The following LRRIQ3 variants were observed in gnomAD, a reference collection of about 807,000 sequenced individuals.
The protein encoded by LRRIQ3 is leucine rich repeats and IQ motif containing 3, also known as leucine-rich repeat and IQ domain-containing protein 3.
Under a neutral mutation model 59.3 loss-of-function variants are expected in LRRIQ3, and 75 were observed. The observed-to-expected ratio is 1.26, with a 90% CI of 1.05 to 1.53. The LOEUF (loss-of-function observed/expected upper bound fraction) is 1.53, where lower values mean the gene tolerates loss of function less well. Among genes scored for constraint, LRRIQ3 ranks in the 40% most tolerant of loss-of-function variants. The probability of loss-of-function intolerance (pLI) is 0.00; values close to 1 mark genes in which losing one functional copy is unlikely to be tolerated. For synonymous variants in LRRIQ3, 250 were observed against 231.3 expected (o/e 1.08, Z -0.73); for missense variants, 831 against 710.0 (o/e 1.17, Z -1.94).
At chr1:74,112,750 A>G (rs983956674) in intron 4 of LRRIQ3, among the ~76,000 whole-genome samples, 19 of 152,172 alleles carry the variant, frequency 1.2e-4, no homozygotes, top group African/African-American at 3.9e-4. Flanking sequence ...GAGCAATATC[A>G]GAGGCTTGCA....
intron 3 of LRRIQ3, among the ~76,000 whole-genome samples, chr1:74,160,534 T>C (rs376462489): frequency 1.3e-5 from 2 of 152,244 alleles, no homozygotes; most frequent in South Asian, 2.1e-4. Context: ...TCTCCTTTAT[T>C]TGCTTTAATT....
chr1:74,042,915 A>G (rs1654090558), intron 6 of LRRIQ3, among the ~76,000 whole-genome samples: 1 of 152,044 alleles, frequency 6.6e-6, no homozygotes, highest in South Asian at 2.1e-4. Flanking sequence ...GAAACCCCAA[A>G]AGATGGTGGA....
intron 5 of LRRIQ3, among the ~76,000 whole-genome samples, chr1:74,105,443 G>T (rs972108189): frequency 6.6e-5 from 10 of 151,676 alleles, no homozygotes; most frequent in African/African-American, 2.4e-4. Flanking sequence ...GTAGAGATGG[G>T]GGTCTCACAA....
intron 5 of LRRIQ3, among the ~76,000 whole-genome samples, chr1:74,076,145 G>A (rs757746220): frequency 2.6e-5 from 4 of 152,056 alleles, no homozygotes; most frequent in Non-Finnish European, 5.9e-5. Flanking sequence ...AAGTTCAGAA[G>A]CTTAGATGAG....
chr1:74,045,670 T>C (rs1483609796), intron 6 of LRRIQ3, among the ~76,000 whole-genome samples: 3 of 152,166 alleles, frequency 2.0e-5, no homozygotes, highest in African/African-American at 7.2e-5. Flanking sequence ...GAAGTCAAAT[T>C]GTCTCTGTTT....
chr1:74,195,608 T>G (rs1220202250), intron 1 of LRRIQ3, among the ~76,000 whole-genome samples: 1 of 152,146 alleles, frequency 6.6e-6, no homozygotes, highest in African/African-American at 2.4e-5. Context: ...CTCTCTACTC[T>G]CCTCCTGGAA....
intron 6 of LRRIQ3, among the ~76,000 whole-genome samples, chr1:74,065,260 G>T (rs567672355): frequency 6.6e-6 from 1 of 152,196 alleles, no homozygotes; most frequent in African/African-American, 2.4e-5. Flanking sequence ...TGAAGGAAGT[G>T]ACTAATTCTT....
At chr1:74,169,530 G>A (rs1240846985) in intron 3 of LRRIQ3, among the ~76,000 whole-genome samples, 2 of 152,082 alleles carry the variant, frequency 1.3e-5, no homozygotes, top group South Asian at 4.1e-4. Context: ...GCCACCAACA[G>A]TGTACAAAGG....
chr1:74,051,330 G>C (rs1400818328), intron 6 of LRRIQ3, among the ~76,000 whole-genome samples: 4 of 152,052 alleles, frequency 2.6e-5, no homozygotes, highest in African/African-American at 9.7e-5. Flanking sequence ...ATTGCTTTTT[G>C]ATTATCAGTT....
At chr1:74,191,211 T>C (rs1244212696) in intron 1 of LRRIQ3, among the ~76,000 whole-genome samples, 2 of 152,148 alleles carry the variant, frequency 1.3e-5, no homozygotes, top group African/African-American at 2.4e-5. Flanking sequence ...AAAATTATTC[T>C]TTAAAAGTGA....
chr1:74,129,669 C>T (rs1017849011), intron 4 of LRRIQ3, among the ~76,000 whole-genome samples: 2 of 151,990 alleles, frequency 1.3e-5, no homozygotes, highest in Non-Finnish European at 2.9e-5. Context: ...GCTATAGCCA[C>T]CACAGCTGGA....
chr1:74,198,110 G>C lies in LRRIQ3; in HGVS notation c.-115C>G. ...CCTGAGACCGTTGCTAGAGAAACAA[G>C]ACAACATCCAAGTTCTCCACATCAT... On this transcript the variant is annotated 5_prime_UTR_variant, in exon 1 of 8. Transcript: ENST00000354431. 8.0e-6 allele frequency: 11 copies of C among 1,368,696 alleles called. No individual in the cohort carries two copies. Among genetic ancestry groups the C allele is most frequent in the Non-Finnish European group, 1.1e-5 (11 of 1,036,820 alleles). The allele number at this position is 1,368,696 out of a possible 1,614,324, so 84.8% of individuals were successfully genotyped here. A position where few individuals can be genotyped will look rare whatever the true frequency, so the allele number is the denominator to read the frequency against.
At chr1:74,154,047 C>T (rs1008277867) in intron 4 of LRRIQ3, among the ~76,000 whole-genome samples, 2 of 151,754 alleles carry the variant, frequency 1.3e-5, no homozygotes, top group Non-Finnish European at 1.5e-5. Context: ...TGAGACCATC[C>T]TGGCTAACAC....
At chr1:74,056,540 T>C (rs1654541102) in intron 6 of LRRIQ3, among the ~76,000 whole-genome samples, 1 of 152,078 alleles carries the variant, frequency 6.6e-6, no homozygotes, top group Admixed American at 6.6e-5. Flanking sequence ...AAAATCAACA[T>C]ACAAAAATCA....
At chr1:74,057,299 T>C (rs1654565250) in intron 6 of LRRIQ3, among the ~76,000 whole-genome samples, 1 of 152,052 alleles carries the variant, frequency 6.6e-6, no homozygotes, top group African/African-American at 2.4e-5. Flanking sequence ...AGCTTTTTAG[T>C]ATATTTTAAT....
At chr1:74,151,305 T>C (rs1310165118) in intron 4 of LRRIQ3, among the ~76,000 whole-genome samples, 1 of 152,160 alleles carries the variant, frequency 6.6e-6, no homozygotes, top group Admixed American at 6.5e-5. Flanking sequence ...ACACTACTTT[T>C]TAAAGGCACT....
chr1:74,070,124 A>G (rs1217262470), intron 6 of LRRIQ3, among the ~76,000 whole-genome samples: 1 of 152,120 alleles, frequency 6.6e-6, no homozygotes, highest in Non-Finnish European at 1.5e-5. Flanking sequence ...ATTATTGGAC[A>G]TTGGACATAT....
At chr1:74,151,011 C>CTTTT (rs59890149) in intron 4 of LRRIQ3, among the ~76,000 whole-genome samples, 1 of 63,392 alleles carries the variant, frequency 1.6e-5, no homozygotes, top group African/African-American at 5.5e-5. Context: ...ATGATGCTTT[C>CTTTT]TTTTTTTTTT....
intron 7 of LRRIQ3, among the ~76,000 whole-genome samples, chr1:74,030,584 T>A (rs964255301): frequency 1.3e-5 from 2 of 152,150 alleles, no homozygotes; most frequent in Non-Finnish European, 2.9e-5. Context: ...CTGGATCCCT[T>A]CCTTACACCT....
Sources: gnomAD v4.1 joint callset for allele counts (sites outside exome capture counted in the v4.1 genomes callset) on GRCh38, gnomAD v4.1.1 for gene constraint, MANE v1.5 for transcripts, NCBI Gene and HGNC (gene_info 2026-07-23, HGNC 2026-07-21) for gene names.